The following HDAC4 variants were observed in gnomAD, a reference collection of about 807,000 sequenced individuals.
HDAC4 encodes histone deacetylase A.
In HDAC4, 16 loss-of-function variants were observed where a neutral mutation model predicts 135.1. That is an observed-to-expected ratio of 0.12 (90% CI 0.08 to 0.18). HDAC4 has a LOEUF of 0.18. Among genes scored for constraint, HDAC4 ranks in the 10% least tolerant of loss-of-function variants. The pLI is 1.00. For missense variants in HDAC4, 1,143 were observed against 1,511.8 expected, an observed-to-expected ratio of 0.76 and a Z score of 4.05; for synonymous variants, 685 against 653.4, an observed-to-expected ratio of 1.05 and a Z score of -0.74.
chr2:239,333,954 A>G (rs1691753509), intron 2 of HDAC4, among the ~76,000 whole-genome samples: 1 of 152,210 alleles, frequency 6.6e-6, no homozygotes, highest in African/African-American at 2.4e-5. Flanking sequence ...TACTATTACC[A>G]TTTGACTGAA....
intron 2 of HDAC4, among the ~76,000 whole-genome samples, chr2:239,249,719 C>T (rs1309265102): frequency 6.6e-6 from 1 of 152,036 alleles, no homozygotes; most frequent in Non-Finnish European, 1.5e-5. Flanking sequence ...ACCACGCCAT[C>T]CTGGGAGGGG....
At chr2:239,103,014 CA>C in intron 15 of HDAC4, 118 bp from the exon 16 acceptor site, 1 of 1,267,080 alleles carries the variant, frequency 7.9e-7, no homozygotes, top group South Asian at 1.3e-5. Context: ...GATACAAAAA[CA>C]AGCATGTTAT....
In HDAC4 at chr2:239,111,547, T is replaced by C; in HGVS notation, c.1957A>G (p.Thr653Ala). 1 of 1,611,982 alleles carries C rather than the reference T, an allele frequency of 6.2e-7. No homozygotes were observed. Among genetic ancestry groups the C allele is most frequent in the South Asian group, 1.1e-5 (1 of 90,880 alleles). ...TFPVSVQEPP[T>A]KPRFTTGLVY... ...TTACCTGTCGTGAACCTCGGCTTGGTGGGGGGCTCCTGCACAGACACGGGG... is the reference window on the plus strand; with the variant it reads ...TTACCTGTCGTGAACCTCGGCTTGGCGGGGGGCTCCTGCACAGACACGGGG... Residue 653 changes from threonine (T) to alanine (A), a missense_variant, in exon 14 of 27, where the codon ACC becomes GCC. Physicochemically the swap from Thr to Ala is moderately conservative, Grantham distance 58. Around this residue, in one of 9 missense-constraint regions of HDAC4, gnomAD observed 196 missense variants for 210.7 expected, o/e 0.93. Coordinates refer to ENST00000543185, the MANE Select transcript of HDAC4 (RefSeq NM_001378414.1).
intron 3 of HDAC4, among the ~76,000 whole-genome samples, chr2:239,209,413 G>A (rs2046243572): frequency 6.6e-6 from 1 of 152,158 alleles, no homozygotes; most frequent in South Asian, 2.1e-4. Context: ...AGATTACTGT[G>A]GAAAAAACAG....
At chr2:239,113,696 C>G (rs3791420) in intron 13 of HDAC4, among the ~76,000 whole-genome samples, 1 of 152,150 alleles carries the variant, frequency 6.6e-6, no homozygotes, top group Non-Finnish European at 1.5e-5. Context: ...TAATAGCACA[C>G]TGAATTTCAG....
At chr2:239,207,697 A>G (rs1393556466) in intron 3 of HDAC4, among the ~76,000 whole-genome samples, 1 of 152,236 alleles carries the variant, frequency 6.6e-6, no homozygotes, top group African/African-American at 2.4e-5. Context: ...AATTAACCCT[A>G]TAATCATGAA....
rs199591719 is a variant in HDAC4 at position 239,333,231 on chromosome 2, GAAAA to G, written c.22+19443_22+19446del. Among the ~76,000 whole-genome samples, 931 of 151,730 alleles carry G rather than the reference GAAAA, an allele frequency of 6.1e-3. 12 individuals carry two copies. Among genetic ancestry groups the G allele is most frequent in the African/African-American group, 0.021 (884 of 41,366 alleles). On this transcript the variant is annotated intron_variant, in intron 2 of 26. Transcript: ENST00000543185. ...TCTGTGGCTTGATTTTATATAACCT[GAAAA>G]ATAAGATGGGATTTTACATTAAGTG... is the stretch of plus-strand genomic sequence containing the variant.
intron 2 of HDAC4, among the ~76,000 whole-genome samples, chr2:239,348,943 C>G (rs1057005116): frequency 2.0e-5 from 3 of 152,238 alleles, no homozygotes; most frequent in African/African-American, 7.2e-5. Flanking sequence ...CACCCAGCAG[C>G]AGAGGACTTT....
intron 5 of HDAC4, 72 bp from the exon 6 acceptor site, chr2:239,163,995 G>A: frequency 5.0e-6 from 8 of 1,586,288 alleles, no homozygotes; most frequent in East Asian, 2.2e-5. Context: ...GGGCAGCGGG[G>A]CCACAGAGGG....
intron 9 of HDAC4, among the ~76,000 whole-genome samples, chr2:239,135,805 T>C (rs1168804584): frequency 6.6e-6 from 1 of 152,198 alleles, no homozygotes; most frequent in East Asian, 1.9e-4. Flanking sequence ...CGGGATGCTC[T>C]GGGGGTTGGG....
In HDAC4 at chr2:239,141,001, A is replaced by T. The variant is rs909369729; in HGVS notation, c.866-1205T>A. On this transcript the variant is annotated intron_variant, in intron 8 of 26. Transcript: ENST00000543185. The surrounding 1 kb of genome is among the most constrained non-coding windows in gnomAD (Gnocchi z 4.9). ...CAGCTCCCCCAACCTGGCAGACCTGATTCCAAACTTTGCCTTTATTAGCTC... is the reference window on the plus strand; with the variant it reads ...CAGCTCCCCCAACCTGGCAGACCTGTTTCCAAACTTTGCCTTTATTAGCTC... 2.6e-6 allele frequency: 1 copy of T among 383,400 alleles called. No homozygotes were observed. 23.7% of individuals were successfully genotyped at this position (383,400 alleles called of 1,614,324 possible). A position where few individuals can be genotyped will look rare whatever the true frequency, so the allele number is the denominator to read the frequency against.
chr2:239,259,908 C>T (rs147079989), intron 2 of HDAC4, among the ~76,000 whole-genome samples: 393 of 152,278 alleles, frequency 2.6e-3, no homozygotes, highest in African/African-American at 8.9e-3. Flanking sequence ...CACAGTGAAA[C>T]GTCCTTTGTC....
At chr2:239,264,915 T>A (rs2049625268) in intron 2 of HDAC4, among the ~76,000 whole-genome samples, 1 of 152,198 alleles carries the variant, frequency 6.6e-6, no homozygotes. Flanking sequence ...GCTTTCTTTT[T>A]TCCATGAGCT....
rs1478961100 is a variant in HDAC4 at position 239,134,434 on chromosome 2, C to T, written c.1105G>A (p.Gly369Ser). 5 of 1,613,460 alleles carry T rather than the reference C, an allele frequency of 3.1e-6. No homozygotes were observed. The South Asian group carries it at 4.4e-5, about 14-fold the overall frequency. The change falls in exon 11 of 27, where the codon GGC becomes AGC. Residue 369 changes from glycine (G) to serine (S), a missense_variant. Transcript: ENST00000543185. Reference protein sequence around the residue: ...PATGPSAGTAGQQDAERLTLP... With the variant: ...PATGPSAGTASQQDAERLTLP... ...GTGAGTCTCTCGGCGTCCTGCTGGCCCGCCGTGCCCTGGAAAGCACAGCCA... is the reference window on the plus strand; with the variant it reads ...GTGAGTCTCTCGGCGTCCTGCTGGCTCGCCGTGCCCTGGAAAGCACAGCCA...
chr2:239,074,912 A>G (rs2034578604), intron 22 of HDAC4, among the ~76,000 whole-genome samples: 1 of 152,164 alleles, frequency 6.6e-6, no homozygotes, highest in Admixed American at 6.5e-5. Context: ...TTATTCCCAG[A>G]ATTAAACTTT....
intron 2 of HDAC4, among the ~76,000 whole-genome samples, chr2:239,347,824 G>A (rs1559377077): frequency 2.0e-5 from 3 of 152,190 alleles, no homozygotes; most frequent in African/African-American, 7.2e-5. Flanking sequence ...CACTTATTTT[G>A]TTTTGAACTA....
chr2:239,140,944 G>A, intron 8 of HDAC4: 1 of 456,576 alleles, frequency 2.2e-6, no homozygotes. Context: ...TGAGGAGGAT[G>A]AGGAGGGTGG....
At chr2:239,297,120 C>A (rs539591106) in intron 2 of HDAC4, among the ~76,000 whole-genome samples, 2 of 152,128 alleles carry the variant, frequency 1.3e-5, no homozygotes, top group South Asian at 4.2e-4. Flanking sequence ...CGGGTGGCTC[C>A]CCAGAAGCCT....
At position 239,139,213 on chromosome 2, in the gene HDAC4, G is replaced by T. The variant is rs1431436308; in HGVS notation, c.978+471C>A. On this transcript the variant is annotated intron_variant, in intron 9 of 26. Coordinates refer to ENST00000543185, the MANE Select transcript of HDAC4 (RefSeq NM_001378414.1). The surrounding 1 kb of genome is among the most constrained non-coding windows in gnomAD (Gnocchi z 5.3). ...GGCCCTGACACATAGTTTGTTGGCC[G>T]ACATCGTGTTGTGTATTTCTCAATA... is the stretch of plus-strand genomic sequence containing the variant. Among the ~76,000 whole-genome samples, 3 of 152,198 alleles carry T rather than the reference G, an allele frequency of 2.0e-5. No individual in the cohort carries two copies. The highest frequency in any genetic ancestry group is 7.2e-5 in the African/African-American group (3 of 41,442).
Sources: gnomAD v4.1 joint callset for allele counts (sites outside exome capture counted in the v4.1 genomes callset) on GRCh38, gnomAD v4.1.1 for gene constraint, gnomAD v4.1.1 regional missense constraint, Gnocchi (gnomAD v3.1) non-coding constraint, MANE v1.5 for transcripts, NCBI Gene and HGNC (gene_info 2026-07-23, HGNC 2026-07-21) for gene names.